The following ADAMTS19 variants were observed in gnomAD, a reference collection of about 807,000 sequenced individuals.
ADAMTS19 encodes the protein ADAM metallopeptidase with thrombospondin type 1 motif 19, also known as A disintegrin and metalloproteinase with thrombospondin motifs 19.
Under a neutral mutation model 153.3 loss-of-function variants are expected in ADAMTS19, and 93 were observed. That is an observed-to-expected ratio of 0.61 (90% CI 0.51 to 0.72). ADAMTS19 has a LOEUF of 0.72. Among genes scored for constraint, ADAMTS19 ranks in the 30% least tolerant of loss-of-function variants. ADAMTS19 has a pLI of 0.00. For synonymous variants in ADAMTS19, 600 were observed against 556.6 expected (o/e 1.08, Z -1.10); for missense variants, 1,482 against 1,552.1 (o/e 0.95, Z 0.76).
chr5:129,513,274 C>A (rs1432487785), intron 3 of ADAMTS19, among the ~76,000 whole-genome samples: 1 of 151,732 alleles, frequency 6.6e-6, no homozygotes, highest in Admixed American at 6.6e-5. Flanking sequence ...ACTCATGATG[C>A]TGTCTACCTC....
intron 10 of ADAMTS19, among the ~76,000 whole-genome samples, chr5:129,628,567 A>T (rs1581163764): frequency 6.6e-6 from 1 of 152,102 alleles, no homozygotes; most frequent in East Asian, 1.9e-4. Flanking sequence ...ATTTGAAGCT[A>T]TATGGGAATG....
chr5:129,702,941 A>AAAAAATAT, intron 20 of ADAMTS19, among the ~76,000 whole-genome samples: 9 of 29,312 alleles, frequency 3.1e-4, no homozygotes, highest in South Asian at 1.1e-3. Context: ...AAAAAAAAAA[A>AAAAAATAT]ATATATATAT....
At chr5:129,573,576 A>T (rs2126868827) in intron 7 of ADAMTS19, among the ~76,000 whole-genome samples, 1 of 152,202 alleles carries the variant, frequency 6.6e-6, no homozygotes, top group East Asian at 1.9e-4. Flanking sequence ...ATAGAAGTGA[A>T]TTTCTGATAA....
chr5:129,716,232 C>T (rs1001755258), intron 21 of ADAMTS19, among the ~76,000 whole-genome samples: 1 of 151,978 alleles, frequency 6.6e-6, no homozygotes, highest in African/African-American at 2.4e-5. Flanking sequence ...GGGTCTTGCT[C>T]TGTTGCCCAG....
At chr5:129,685,500 G>A (rs1325202562) in intron 18 of ADAMTS19, among the ~76,000 whole-genome samples, 1 of 152,066 alleles carries the variant, frequency 6.6e-6, no homozygotes, top group Non-Finnish European at 1.5e-5. Context: ...GACAATGATT[G>A]TTATACTTAA....
intron 7 of ADAMTS19, among the ~76,000 whole-genome samples, chr5:129,592,527 A>C (rs1750190591): frequency 6.6e-6 from 1 of 152,182 alleles, no homozygotes; most frequent in Non-Finnish European, 1.5e-5. Flanking sequence ...TAGGCTTTTA[A>C]ACAGAATAAT....
chr5:129,568,376 G>C (rs1179404336), intron 7 of ADAMTS19, among the ~76,000 whole-genome samples: 2 of 151,914 alleles, frequency 1.3e-5, no homozygotes, highest in Non-Finnish European at 2.9e-5. Flanking sequence ...GGGGGATAAA[G>C]GGACTTTCAT....
intron 2 of ADAMTS19, among the ~76,000 whole-genome samples, chr5:129,473,962 T>A (rs905067638): frequency 2.6e-5 from 4 of 152,068 alleles, no homozygotes; most frequent in Non-Finnish European, 5.9e-5. Flanking sequence ...AAGCATAAAA[T>A]TCAGTGTTTT....
chr5:129,600,675 G>A (rs1242844719), intron 8 of ADAMTS19, among the ~76,000 whole-genome samples: 1 of 151,904 alleles, frequency 6.6e-6, no homozygotes, highest in East Asian at 1.9e-4. Context: ...CTAGTGCAAA[G>A]GAATCTAAAA....
chr5:129,691,986 G>A (rs945958398), intron 18 of ADAMTS19, among the ~76,000 whole-genome samples: 30 of 152,034 alleles, frequency 2.0e-4, no homozygotes, highest in African/African-American at 5.8e-4. Flanking sequence ...TCTGGATAAC[G>A]CCCATCATCT....
intron 11 of ADAMTS19, among the ~76,000 whole-genome samples, chr5:129,643,367 C>CAAAAAAAAAAAA (rs556007087): frequency 2.1e-3 from 83 of 39,622 alleles, no homozygotes; most frequent in African/African-American, 3.5e-3. Context: ...GTTTCAAAGA[C>CAAAAAAAAAAAA]AAAAAAAAAA....
At chr5:129,694,002 T>C in intron 18 of ADAMTS19, among the ~76,000 whole-genome samples, 1 of 152,154 alleles carries the variant, frequency 6.6e-6, no homozygotes, top group South Asian at 2.1e-4. Flanking sequence ...ACAAACCAAA[T>C]GATAAAATGT....
chr5:129,472,667 T>G (rs1750105302), intron 2 of ADAMTS19, among the ~76,000 whole-genome samples: 1 of 152,010 alleles, frequency 6.6e-6, no homozygotes. Context: ...CTGGAAATAT[T>G]AAATAGAAGT....
intron 10 of ADAMTS19, among the ~76,000 whole-genome samples, chr5:129,629,544 T>C (rs1056522274): frequency 2.6e-5 from 4 of 152,010 alleles, no homozygotes; most frequent in Non-Finnish European, 5.9e-5. Context: ...ACACAAACAC[T>C]AGAGGCTCAG....
At chr5:129,712,231 A>G (rs369114092) in intron 21 of ADAMTS19, among the ~76,000 whole-genome samples, 73 of 152,320 alleles carry the variant, frequency 4.8e-4, no homozygotes, top group African/African-American at 1.7e-3. Context: ...ATAGAAAACT[A>G]TCACACCGAA....
rs773858841 is a variant in ADAMTS19, at chr5:129,648,999, T to C, written c.2176+29T>C. The stretch of plus-strand genomic sequence containing the variant: ...TGACCAACCAGATCACCACCATCTT[T>C]GTTAACTAGATTTCTAGGTTTGCGA... On this transcript the variant is annotated intron_variant, in intron 13 of 22. Coordinates refer to ENST00000274487, the MANE Select transcript of ADAMTS19 (RefSeq NM_133638.6). 2.0e-6 allele frequency: 3 copies of C among 1,529,526 alleles called. No individual in the cohort carries two copies. The African/African-American group carries it at 4.1e-5, about 21-fold the overall frequency. 94.7% of individuals were successfully genotyped at this position (1,529,526 alleles called of 1,614,324 possible).
chr5:129,566,723 A>G (rs1004563209), intron 7 of ADAMTS19, among the ~76,000 whole-genome samples: 13 of 152,090 alleles, frequency 8.5e-5, no homozygotes, highest in Non-Finnish European at 1.9e-4. Context: ...TAATGTCTAC[A>G]TTCTCTTCTG....
chr5:129,463,893 G>T (rs1749771333), intron 2 of ADAMTS19, among the ~76,000 whole-genome samples: 1 of 152,202 alleles, frequency 6.6e-6, no homozygotes, highest in Admixed American at 6.5e-5. Flanking sequence ...CAAGTTAAGA[G>T]AAAGATATCA....
intron 10 of ADAMTS19, among the ~76,000 whole-genome samples, chr5:129,626,995 A>G (rs561319648): frequency 6.6e-6 from 1 of 152,200 alleles, no homozygotes; most frequent in African/African-American, 2.4e-5. Context: ...CTATGCATTT[A>G]TCTTGGGAGG....
Sources: allele counts gnomAD v4.1 joint callset (sites outside exome capture counted in the v4.1 genomes callset), GRCh38; gene constraint gnomAD v4.1.1; transcripts MANE v1.5; gene names NCBI Gene and HGNC (gene_info 2026-07-23, HGNC 2026-07-21).